Variants in NALF1 observed in about 807,000 individuals in gnomAD.
NALF1 encodes family with sequence similarity 155 member A.
Under a neutral mutation model 48.4 loss-of-function variants are expected in NALF1, and 3 were observed. The ratio of observed to expected loss-of-function variants is 0.06; its 90% CI spans 0.03 to 0.16. NALF1 has a LOEUF of 0.16. Among genes scored for constraint, NALF1 ranks in the 10% least tolerant of loss-of-function variants. The probability of loss-of-function intolerance (pLI) is 1.00; values close to 1 mark genes in which losing one functional copy is unlikely to be tolerated. For synonymous variants in NALF1, 262 were observed against 245.7 expected, an observed-to-expected ratio of 1.07 and a Z score of -0.62; for missense variants, 526 against 571.5, an observed-to-expected ratio of 0.92 and a Z score of 0.81.
intron 1 of NALF1, among the ~76,000 whole-genome samples, chr13:107,695,304 C>T (rs1287939923): frequency 1.3e-5 from 2 of 152,180 alleles, no homozygotes; most frequent in East Asian, 3.8e-4. Context: ...GTGATCATTA[C>T]TTTAGATGTG....
rs112843770 is a variant in NALF1, at chr13:107,283,035, C to T, written c.916-72280G>A. On this transcript the variant is annotated intron_variant, in intron 1 of 2. Coordinates refer to ENST00000375915, the MANE Select transcript of NALF1 (RefSeq NM_001080396.3). The stretch of plus-strand genomic sequence containing the variant: ...CTGGAAACATACTTCCAATTTTAGA[C>T]GGAAACGGTCAGTACAGAGGAACGG... 5.8e-3 allele frequency among the ~76,000 whole-genome samples: 881 copies of T among 152,220 alleles called. 4 individuals are homozygous for T. Among genetic ancestry groups the T allele is most frequent in the Non-Finnish European group, 8.2e-3 (560 of 68,010 alleles).
At chr13:107,202,806 T>C (rs139219678) in intron 2 of NALF1, among the ~76,000 whole-genome samples, 405 of 152,322 alleles carry the variant, frequency 2.7e-3, no homozygotes, top group Non-Finnish European at 5.1e-3. Context: ...CAGCTGTACA[T>C]AGCAAGGAAA....
chr13:107,590,613 T>C (rs993772296), intron 1 of NALF1, among the ~76,000 whole-genome samples: 3 of 152,058 alleles, frequency 2.0e-5, no homozygotes, highest in African/African-American at 7.2e-5. Context: ...AATGGAGTTA[T>C]TCTCGGAGGT....
intron 1 of NALF1, among the ~76,000 whole-genome samples, chr13:107,450,625 G>T (rs1334605545): frequency 6.6e-6 from 1 of 152,140 alleles, no homozygotes; most frequent in African/African-American, 2.4e-5. Context: ...GGGAATCAAG[G>T]GCGAGAAAGG....
intron 2 of NALF1, among the ~76,000 whole-genome samples, chr13:107,209,998 GC>G (rs1879727015): frequency 6.6e-6 from 1 of 151,968 alleles, no homozygotes; most frequent in Non-Finnish European, 1.5e-5. Flanking sequence ...TTGGTGTTTT[GC>G]CCAGTCTGAC....
chr13:107,811,968 A>G (rs1165571632), intron 1 of NALF1, among the ~76,000 whole-genome samples: 5 of 152,198 alleles, frequency 3.3e-5, no homozygotes, highest in Non-Finnish European at 5.9e-5. Context: ...AGGGAAGTTT[A>G]TCATAACAGT....
chr13:107,421,119 G>A lies in NALF1; in HGVS notation c.916-210364C>T, dbSNP rs557696130. On this transcript the variant is annotated intron_variant, in intron 1 of 2. Transcript: ENST00000375915. ...ACTTTTATCCAAAAATACTGACTTC[G>A]GGGCAAGGCACCCTCTATTCTAAGA... 7.2e-5 allele frequency among the ~76,000 whole-genome samples: 11 copies of A among 152,126 alleles called. 1 individual carries two copies. The South Asian group carries it at 1.7e-3, about 23-fold the overall frequency.
chr13:107,727,660 A>G (rs1300789041), intron 1 of NALF1, among the ~76,000 whole-genome samples: 1 of 152,224 alleles, frequency 6.6e-6, no homozygotes, highest in African/African-American at 2.4e-5. Flanking sequence ...AATTGCAACA[A>G]AAGCCAAAAT....
At chr13:107,759,294 T>C (rs9520573) in intron 1 of NALF1, among the ~76,000 whole-genome samples, 12,766 of 152,238 alleles carry the variant, frequency 0.084, 669 homozygotes, top group East Asian at 0.18. Flanking sequence ...CTGGATCCTC[T>C]GCCTCCCGGG....
At chr13:107,311,169 A>AT (rs1882037559) in intron 1 of NALF1, among the ~76,000 whole-genome samples, 1 of 152,034 alleles carries the variant, frequency 6.6e-6, no homozygotes, top group African/African-American at 2.4e-5. Context: ...TGTTTGTATT[A>AT]TTTTTTTGCT....
chr13:107,392,359 G>A lies in NALF1; in HGVS notation c.916-181604C>T, dbSNP rs541200080. Among the ~76,000 whole-genome samples, 331 of 152,212 alleles carry A rather than the reference G, an allele frequency of 2.2e-3. 1 individual carries two copies. Among genetic ancestry groups the A allele is most frequent in the Non-Finnish European group, 3.8e-3 (261 of 68,022 alleles). ...CTTGCTCAGTCCCAGGAAACAGGAA[G>A]CTCCTCCAGCTCTTTACTCAGCACC... On this transcript the variant is annotated intron_variant, in intron 1 of 2. Coordinates refer to ENST00000375915, the MANE Select transcript of NALF1 (RefSeq NM_001080396.3).
intron 1 of NALF1, chr13:107,320,804 T>C (rs951396553): frequency 6.6e-6 from 1 of 152,142 alleles, no homozygotes; most frequent in East Asian, 1.9e-4. Context: ...CAATGCTCCT[T>C]TTGGCTGTGA....
chr13:107,603,064 A>T (rs1321461810), intron 1 of NALF1, among the ~76,000 whole-genome samples: 9 of 152,216 alleles, frequency 5.9e-5, no homozygotes, highest in African/African-American at 2.2e-4. Context: ...TTCTGATTAA[A>T]ATTTCTTTTT....
At chr13:107,842,395 T>A (rs1485768772) in intron 1 of NALF1, among the ~76,000 whole-genome samples, 2 of 152,048 alleles carry the variant, frequency 1.3e-5, no homozygotes, top group Non-Finnish European at 2.9e-5. Context: ...GTAATGGCTA[T>A]GATTATAATA....
intron 1 of NALF1, among the ~76,000 whole-genome samples, chr13:107,278,695 T>A (rs1466313652): frequency 6.6e-6 from 1 of 152,244 alleles, no homozygotes; most frequent in Non-Finnish European, 1.5e-5. Flanking sequence ...TGTTTGTTTT[T>A]TTAAAAATCT....
intron 1 of NALF1, among the ~76,000 whole-genome samples, chr13:107,266,983 T>C (rs771724407): frequency 5.9e-5 from 9 of 152,158 alleles, no homozygotes; most frequent in Admixed American, 1.3e-4. Context: ...CACCAGGATG[T>C]TTACCGAGCC....
chr13:107,375,923 T>TACACACACAC (rs373266204), intron 1 of NALF1, among the ~76,000 whole-genome samples: 8 of 149,418 alleles, frequency 5.4e-5, no homozygotes, highest in African/African-American at 2.0e-4. Context: ...CAACCTGCTA[T>TACACACACAC]ACACACACAC....
chr13:107,480,688 G>A (rs1020928840), intron 1 of NALF1, among the ~76,000 whole-genome samples: 2 of 152,186 alleles, frequency 1.3e-5, no homozygotes, highest in African/African-American at 4.8e-5. Flanking sequence ...CCCACGGGCC[G>A]TGGGTTGGAC....
chr13:107,239,806 G>A (rs77071210), intron 1 of NALF1, among the ~76,000 whole-genome samples: 8,787 of 152,068 alleles, frequency 0.058, 295 homozygotes, highest in African/African-American at 0.068. Context: ...CCCAAAATAC[G>A]TATTTTCCCA....
Sources: gnomAD v4.1 joint callset for allele counts (sites outside exome capture counted in the v4.1 genomes callset) on GRCh38, gnomAD v4.1.1 for gene constraint, MANE v1.5 for transcripts, NCBI Gene and HGNC (gene_info 2026-07-23, HGNC 2026-07-21) for gene names.